PHLPP1: variants seen among roughly 807,000 people sequenced by gnomAD.
PHLPP1 encodes PH domain and leucine rich repeat protein phosphatase 1, also known as PH domain leucine-rich repeat-containing protein phosphatase 1.
Under a neutral mutation model 117.2 loss-of-function variants are expected in PHLPP1, and 42 were observed. That is an observed-to-expected ratio of 0.36 (90% confidence interval 0.28 to 0.46). The LOEUF (loss-of-function observed/expected upper bound fraction) is 0.46, where lower values mean the gene tolerates loss of function less well. PHLPP1 is among the 20% of genes least tolerant of loss of function. The pLI, the probability that PHLPP1 is intolerant of heterozygous loss-of-function variation, is 1.00. For missense variants in PHLPP1, 2,084 were observed against 2,241.9 expected (o/e 0.93, Z 1.42); for synonymous variants, 1,042 against 970.7 (o/e 1.07, Z -1.37).
intron 1 of PHLPP1, among the ~76,000 whole-genome samples, chr18:62,734,223 A>T (rs571251621): frequency 6.6e-6 from 1 of 152,104 alleles, no homozygotes. Context: ...TTAGTTTGGT[A>T]TCATACGTAC....
At chr18:62,753,345 GT>G (rs1449030868) in intron 1 of PHLPP1, among the ~76,000 whole-genome samples, 22 of 152,118 alleles carry the variant, frequency 1.4e-4, no homozygotes, top group African/African-American at 5.3e-4. Flanking sequence ...GTTTATATAA[GT>G]CACTTAAGAA....
intron 1 of PHLPP1, among the ~76,000 whole-genome samples, chr18:62,776,479 C>T (rs988286426): frequency 3.3e-5 from 5 of 152,166 alleles, no homozygotes; most frequent in Non-Finnish European, 7.3e-5. Context: ...CCTACTGTAT[C>T]TTAGCCAAGT....
At position 62,773,484 on chromosome 18, in the gene PHLPP1, T is replaced by C. The variant is rs1306310587; in HGVS notation, c.1576+56225T>C. ...GGGTGTTGTGAGAACTTTGGCTACATGGAAAGTTTCCTTGTTGTTCGTTTG... is the reference window on the plus strand; with the variant it reads ...GGGTGTTGTGAGAACTTTGGCTACACGGAAAGTTTCCTTGTTGTTCGTTTG... On this transcript the variant is annotated intron_variant, in intron 1 of 16. Transcript: ENST00000262719. 1.5e-4 allele frequency among the ~76,000 whole-genome samples: 23 copies of C among 152,242 alleles called. 1 individual carries two copies. Among genetic ancestry groups the C allele is most frequent in the Non-Finnish European group, 1.5e-5 (1 of 68,040 alleles).
chr18:62,892,920 G>C (rs1916463655), intron 4 of PHLPP1, among the ~76,000 whole-genome samples: 1 of 151,954 alleles, frequency 6.6e-6, no homozygotes, highest in Admixed American at 6.5e-5. Context: ...CTTCTGAAAG[G>C]GTCTCGGGTA....
At chr18:62,875,725 T>G (rs1033913843) in intron 4 of PHLPP1, among the ~76,000 whole-genome samples, 2 of 152,012 alleles carry the variant, frequency 1.3e-5, no homozygotes, top group South Asian at 4.2e-4. Context: ...GCAACTTTTT[T>G]TTTTTTAATT....
Position 62,951,417 on chromosome 18 carries a change from T to C in PHLPP1, c.3324+6146T>C, listed in dbSNP as rs182222459. 1.9e-3 allele frequency among the ~76,000 whole-genome samples: 292 copies of C among 152,316 alleles called. 2 individuals carry two copies. The highest frequency in any genetic ancestry group is 6.7e-3 in the African/African-American group (280 of 41,554). Reference sequence around the variant, plus strand: ...CTTATGTATCTATAAAGATGAACAATTAGTCCTTCATGAACTCATGCATTT... The same window carrying C: ...CTTATGTATCTATAAAGATGAACAACTAGTCCTTCATGAACTCATGCATTT... On this transcript the variant is annotated intron_variant, in intron 12 of 16. Coordinates refer to ENST00000262719, the MANE Select transcript of PHLPP1 (RefSeq NM_194449.4).
At chr18:62,905,051 A>G (rs1916810788) in intron 7 of PHLPP1, among the ~76,000 whole-genome samples, 173 bp from the exon 8 acceptor site, 1 of 152,240 alleles carries the variant, frequency 6.6e-6, no homozygotes, top group South Asian at 2.1e-4. Flanking sequence ...TTGTGATTAA[A>G]AGTTCTTTTT....
chr18:62,826,323 C>A, intron 1 of PHLPP1: 2 of 370,444 alleles, frequency 5.4e-6, no homozygotes, highest in South Asian at 2.0e-5. Context: ...TGGGGAATGA[C>A]TTATTTTATT....
chr18:62,769,395 T>C (rs1276058661), intron 1 of PHLPP1, among the ~76,000 whole-genome samples: 1 of 152,218 alleles, frequency 6.6e-6, no homozygotes, highest in East Asian at 1.9e-4. Context: ...TGATTTCTGA[T>C]TTTGAAATGA....
chr18:62,725,371 A>T (rs989532833), intron 1 of PHLPP1, among the ~76,000 whole-genome samples: 2 of 151,600 alleles, frequency 1.3e-5, no homozygotes, highest in East Asian at 1.9e-4. Flanking sequence ...AAAAAAAAAA[A>T]AAATAATAAA....
chr18:62,968,479 A>G (rs1428005576), intron 14 of PHLPP1, among the ~76,000 whole-genome samples: 1 of 139,012 alleles, frequency 7.2e-6, no homozygotes, highest in Admixed American at 7.5e-5. Flanking sequence ...TGCTTTATCT[A>G]GTTTTCAAAT....
intron 1 of PHLPP1, among the ~76,000 whole-genome samples, chr18:62,744,401 A>G (rs755365961): frequency 1.6e-4 from 25 of 152,220 alleles, no homozygotes; most frequent in Non-Finnish European, 3.5e-4. Context: ...CCAAGCTGGT[A>G]TTTGAGCTGT....
At chr18:62,922,988 C>T (rs188865202) in intron 10 of PHLPP1, among the ~76,000 whole-genome samples, 99 of 152,204 alleles carry the variant, frequency 6.5e-4, no homozygotes, top group Middle Eastern at 3.4e-3. Flanking sequence ...AATTCCCAAA[C>T]GGTACCTGTA....
At chr18:62,749,534 A>T (rs1375201570) in intron 1 of PHLPP1, among the ~76,000 whole-genome samples, 9 of 152,202 alleles carry the variant, frequency 5.9e-5, no homozygotes, top group Admixed American at 5.9e-4. Flanking sequence ...TGGGTGGCTT[A>T]AACAACAGAA....
intron 4 of PHLPP1, among the ~76,000 whole-genome samples, chr18:62,875,992 C>G (rs1916041442): frequency 6.6e-6 from 1 of 152,090 alleles, no homozygotes; most frequent in Non-Finnish European, 1.5e-5. Context: ...CTCAGCCTCC[C>G]AAAGTGCTGG....
At position 62,978,741 on chromosome 18, in the gene PHLPP1, C is replaced by T. The variant is rs375920134; in HGVS notation, c.4464C>T (p.Ser1488=). ...SSELSTSEMS[S]EVGSTASDEP... ...AGCTCTCCACTTCTGAGATGAGCAG[C>T]GAGGTGGGGTCAACAGCCTCCGATG... Residue 1488 remains serine (S), a synonymous_variant, in exon 17 of 17, where the codon AGC becomes AGT. Coordinates refer to ENST00000262719, the MANE Select transcript of PHLPP1 (RefSeq NM_194449.4). The surrounding 1 kb of genome is among the most constrained non-coding windows in gnomAD (Gnocchi z 7.0). 300 of 1,613,518 alleles carry T rather than the reference C, an allele frequency of 1.9e-4. No homozygotes were observed. The highest frequency in any genetic ancestry group is 6.5e-4 in the Admixed American group (39 of 59,992).
intron 12 of PHLPP1, among the ~76,000 whole-genome samples, chr18:62,953,121 A>C (rs879262296): frequency 6.6e-6 from 1 of 152,250 alleles, no homozygotes; most frequent in African/African-American, 2.4e-5. Flanking sequence ...AAAGTTGTAT[A>C]TTGAGAAATA....
In PHLPP1 at chr18:62,963,371, TATCCGCTGTTTCAAG is replaced by T; in HGVS notation, c.3462_3476del (p.Arg1155_Ile1159del). On this transcript the variant is annotated inframe_deletion, in exon 14 of 17. Transcript: ENST00000262719. ...CCCTCCCTGTTTCTCTTGTTAGTAA[TATCCGCTGTTTCAAG>T]ATTGATCAGCCTTCTACAGGAGACG... 1.2e-6 allele frequency: 2 copies of T among 1,608,446 alleles called. No individual in the cohort carries two copies. The highest frequency in any genetic ancestry group is 1.7e-6 in the Non-Finnish European group (2 of 1,175,702).
intron 1 of PHLPP1, among the ~76,000 whole-genome samples, chr18:62,828,915 G>A (rs1430453404): frequency 6.6e-6 from 1 of 152,136 alleles, no homozygotes; most frequent in African/African-American, 2.4e-5. Flanking sequence ...GAAATTATCT[G>A]TTCAGTATCT....
Sources: gnomAD v4.1 joint callset for allele counts (sites outside exome capture counted in the v4.1 genomes callset) on GRCh38, gnomAD v4.1.1 for gene constraint, Gnocchi (gnomAD v3.1) non-coding constraint, MANE v1.5 for transcripts, NCBI Gene and HGNC (gene_info 2026-07-23, HGNC 2026-07-21) for gene names.